The following EPG5 variants were observed in gnomAD, a reference collection of about 807,000 sequenced individuals.
The protein encoded by EPG5 is ectopic P granules protein 5 homolog.
A neutral mutation model predicts 302.7 loss-of-function variants in EPG5; 159 were observed. The observed-to-expected ratio is 0.53, with a 90% confidence interval of 0.46 to 0.60. The LOEUF (loss-of-function observed/expected upper bound fraction) is 0.60, where lower values mean the gene tolerates loss of function less well. EPG5 is among the 20% of genes least tolerant of loss of function. The probability of loss-of-function intolerance (pLI) is 0.00; values close to 1 mark genes in which losing one functional copy is unlikely to be tolerated. For missense variants in EPG5, 2,896 were observed against 3,092.4 expected, an observed-to-expected ratio of 0.94 and a Z score of 1.51; for synonymous variants, 1,158 against 1,136.8, an observed-to-expected ratio of 1.02 and a Z score of -0.37.
chr18:45,814,611 A>G, the EPG5 span, among the ~76,000 whole-genome samples: 2 of 152,264 alleles, frequency 1.3e-5, no homozygotes, highest in Non-Finnish European at 2.9e-5. Context: ...AGAAAAGTGC[A>G]TGATATCTGT....
At chr18:45,857,773 G>T in intron 42 of EPG5, 80 bp downstream of exon 42, 3 of 1,091,996 alleles carry the variant, frequency 2.7e-6, no homozygotes, top group South Asian at 2.8e-5. Flanking sequence ...AAAACCTACT[G>T]AAGTATATCA....
chr18:45,915,960 C>T, intron 19 of EPG5, 49 bp downstream of exon 19: 1 of 1,499,158 alleles, frequency 6.7e-7, no homozygotes, highest in Non-Finnish European at 9.0e-7. Context: ...TAGAAAGCTA[C>T]TTTATCTAGC....
intron 1 of EPG5, among the ~76,000 whole-genome samples, chr18:45,965,742 T>C (rs1241698517): frequency 6.6e-6 from 1 of 152,216 alleles, no homozygotes; most frequent in Non-Finnish European, 1.5e-5. Flanking sequence ...CAGCATTTAA[T>C]CTGTTCATCT....
chr18:45,905,190 A>G (rs777609992), intron 24 of EPG5, among the ~76,000 whole-genome samples: 55 of 152,184 alleles, frequency 3.6e-4, no homozygotes, highest in Admixed American at 2.3e-3. Flanking sequence ...AGAATGGGGG[A>G]CTGCCTTTAA....
rs933310009 is a variant in EPG5 at position 45,860,477 on chromosome 18, G to A, written c.6767-131C>T. 4 of 1,125,176 alleles carry A rather than the reference G, an allele frequency of 3.6e-6. No individual in the cohort carries two copies. In the African/African-American group the frequency reaches 4.6e-5, roughly 13 times the overall value. The allele number at this position is 1,125,176 out of a possible 1,614,324, so 69.7% of individuals were successfully genotyped here. A position where few individuals can be genotyped will look rare whatever the true frequency, so the allele number is the denominator to read the frequency against. On this transcript the variant is annotated intron_variant, in intron 39 of 43. Transcript: ENST00000282041. ...TACAGTGCTAGTAGCTGACTGCAAG[G>A]GACTGGAAGGAAGGCTCTGGATGGT...
At position 45,922,535 on chromosome 18, in the gene EPG5, G is replaced by C. The variant is rs1454534885; in HGVS notation, c.2904C>G (p.Ala968=). 4.3e-6 allele frequency: 7 copies of C among 1,614,022 alleles called. No individual in the cohort carries two copies. The African/African-American group carries it at 9.3e-5, about 22-fold the overall frequency. ...GTTTTAGCCTCAAGATTAAATTCCA[G>C]GCCCATTGGTTAAATGAGGTCTCGG... ...ETPETSFNQW[A]WNLILRLKLH... is the part of the protein sequence containing the mutation. The change falls in exon 16 of 44, where the codon GCC becomes GCG. Residue 968 remains alanine (A), a synonymous_variant. Transcript: ENST00000282041.
At chr18:45,917,923 C>G in intron 16 of EPG5, 104 bp from the exon 17 acceptor site, 1 of 1,149,802 alleles carries the variant, frequency 8.7e-7, no homozygotes, top group Non-Finnish European at 1.2e-6. Flanking sequence ...TATCTCAGGT[C>G]TCCAACACAT....
chr18:45,877,795 T>G (rs1422590760), intron 34 of EPG5, among the ~76,000 whole-genome samples: 1 of 152,174 alleles, frequency 6.6e-6, no homozygotes, highest in Non-Finnish European at 1.5e-5. Context: ...AAACAACTCC[T>G]ATAATGTGAT....
At position 45,922,367 on chromosome 18, in the gene EPG5, G is replaced by C. The variant is rs1460077253; in HGVS notation, c.3072C>G (p.Ala1024=). The change falls in exon 16 of 44, where the codon GCC becomes GCG. Residue 1024 remains alanine (A), a synonymous_variant. Transcript: ENST00000282041. ...KAGMPIGCYL[A]LSMTAVGHSI... ...TGTGGCCCACAGCTGTCATAGATAA[G>C]GCTAGATAACAGCCAATGGGCATGC... 1 of 1,614,190 alleles carries C rather than the reference G, an allele frequency of 6.2e-7. No individual in the cohort carries two copies. Among genetic ancestry groups the C allele is most frequent in the Non-Finnish European group, 8.5e-7 (1 of 1,180,042 alleles).
intron 27 of EPG5, among the ~76,000 whole-genome samples, chr18:45,891,916 C>T (rs1487319446): frequency 1.3e-5 from 2 of 152,176 alleles, no homozygotes; most frequent in Admixed American, 6.6e-5. Context: ...CTGCAGTCAG[C>T]CTTTTTGTTC....
chr18:45,848,192 T>C lies in EPG5; in HGVS notation c.*4275A>G, dbSNP rs1328436044. ...AGATGGTAGAAGGGGATACTTTCTTTTAATCAACACACTTATTTCCCAACA... is the reference window on the plus strand; with the variant it reads ...AGATGGTAGAAGGGGATACTTTCTTCTAATCAACACACTTATTTCCCAACA... On this transcript the variant is annotated 3_prime_UTR_variant, in exon 44 of 44. Coordinates refer to ENST00000282041, the MANE Select transcript of EPG5 (RefSeq NM_020964.3). 1 of 152,188 alleles carries C rather than the reference T, an allele frequency of 6.6e-6. No individual in the cohort carries two copies. Among genetic ancestry groups the C allele is most frequent in the Non-Finnish European group, 1.5e-5 (1 of 68,024 alleles). The allele number at this position is 152,188 out of a possible 1,614,324, so 9.4% of individuals were successfully genotyped here. A position where few individuals can be genotyped will look rare whatever the true frequency, so the allele number is the denominator to read the frequency against.
intron 31 of EPG5, among the ~76,000 whole-genome samples, chr18:45,881,409 A>T (rs1308077631): frequency 6.6e-6 from 1 of 152,234 alleles, no homozygotes; most frequent in East Asian, 1.9e-4. Context: ...CTCTGTGGGA[A>T]ACAATTAAAG....
At position 45,930,754 on chromosome 18, in the gene EPG5, G is replaced by C. The variant is rs200676427; in HGVS notation, c.2334C>G (p.Thr778=). ...NSSEEICLLT[T]FAQMAQARRT... ...TTCTGGCCTGAGCCATCTGAGCAAA[G>C]GTAGTCAGAAGGCAAATCTCTTCTG... The change falls in exon 12 of 44, where the codon ACC becomes ACG. Residue 778 remains threonine, a synonymous_variant. Coordinates refer to ENST00000282041, the MANE Select transcript of EPG5 (RefSeq NM_020964.3). 6.2e-7 allele frequency: 1 copy of C among 1,611,814 alleles called. No homozygotes were observed. The highest frequency in any genetic ancestry group is 2.2e-5 in the East Asian group (1 of 44,760).
chr18:45,877,656 G>A (rs1199500021), intron 34 of EPG5, among the ~76,000 whole-genome samples: 1 of 152,166 alleles, frequency 6.6e-6, no homozygotes, highest in Admixed American at 6.5e-5. Context: ...ATGGGTTAAT[G>A]CAAAGAGTCT....
intron 39 of EPG5, among the ~76,000 whole-genome samples, chr18:45,864,921 T>C (rs34945724): frequency 0.049 from 7,451 of 151,808 alleles, 219 homozygotes; most frequent in South Asian, 0.077. Flanking sequence ...CAAGAGGAGG[T>C]TTACTTCTAG....
rs189883488 is a variant in EPG5 at position 45,887,742 on chromosome 18, T to C, written c.5109+9A>G. 1 of 1,537,524 alleles carries C rather than the reference T, an allele frequency of 6.5e-7. No individual in the cohort carries two copies. Among genetic ancestry groups the C allele is most frequent in the South Asian group, 1.2e-5 (1 of 83,086 alleles). ...ATCTGATCAAGGCAAAAGGTACAGA[T>C]AGCCTTACCTGTCCCAAGATCTCAA... is the stretch of plus-strand genomic sequence containing the variant. On this transcript the variant is annotated intron_variant, in intron 29 of 43. Coordinates refer to ENST00000282041, the MANE Select transcript of EPG5 (RefSeq NM_020964.3).
chr18:45,825,830 T>G, the EPG5 span: 1 of 1,605,366 alleles, frequency 6.2e-7, no homozygotes, highest in Admixed American at 1.7e-5. Flanking sequence ...GAATAGATGC[T>G]GAAAGCATCT....
rs1015983877 is a variant in EPG5, at chr18:45,952,640, T to C, written c.1012A>G (p.Ile338Val). The stretch of plus-strand genomic sequence containing the variant: ...AAAACTTTCACTTGATCTGCACAGA[T>C]ACCCTACCAGAGGACAAAAAGGTAC... ...FKEEQMSVQG[I>V]CADQVKVFSY... Residue 338 changes from isoleucine (I) to valine (V), a missense_variant, in exon 3 of 44, where the codon ATC becomes GTC. Ile to Val is a conservative substitution (Grantham distance 29). Around this residue, in one of 5 missense-constraint regions of EPG5, gnomAD observed 1,390 missense variants for 1,430.0 expected, o/e 0.97. Coordinates refer to ENST00000282041, the MANE Select transcript of EPG5 (RefSeq NM_020964.3). 3 of 1,613,800 alleles carry C rather than the reference T, an allele frequency of 1.9e-6. No homozygotes were observed. Among genetic ancestry groups the C allele is most frequent in the Admixed American group, 1.7e-5 (1 of 59,992 alleles).
intron 35 of EPG5, among the ~76,000 whole-genome samples, chr18:45,873,723 T>C (rs1458808910): frequency 1.3e-5 from 2 of 152,138 alleles, no homozygotes; most frequent in Non-Finnish European, 2.9e-5. Flanking sequence ...ATTACCCTAG[T>C]TTTGTAGGGA....
Sources: allele counts gnomAD v4.1 joint callset (sites outside exome capture counted in the v4.1 genomes callset), GRCh38; gene constraint gnomAD v4.1.1; regional missense constraint gnomAD v4.1.1; transcripts MANE v1.5; gene names NCBI Gene and HGNC (gene_info 2026-07-23, HGNC 2026-07-21).